NAALADL2: variants seen among roughly 807,000 people sequenced by gnomAD.
The protein encoded by NAALADL2 is inactive N-acetylated-alpha-linked acidic dipeptidase-like protein 2.
NAALADL2 carries 76 observed loss-of-function variants against 87.2 expected under a neutral mutation model. That is an observed-to-expected ratio of 0.87 (90% CI 0.72 to 1.05). NAALADL2 has a LOEUF of 1.05. Ranked by LOEUF, NAALADL2 falls within the 50% of genes least tolerant of loss-of-function variation. The pLI, the probability that NAALADL2 is intolerant of heterozygous loss-of-function variation, is 0.00. For synonymous variants in NAALADL2, 354 were observed against 331.0 expected (o/e 1.07, Z -0.75); for missense variants, 1,089 against 945.8 (o/e 1.15, Z -1.99).
At chr3:175,791,234 A>G (rs1479920144) in intron 13 of NAALADL2, among the ~76,000 whole-genome samples, 1 of 152,244 alleles carries the variant, frequency 6.6e-6, no homozygotes, top group East Asian at 1.9e-4. Flanking sequence ...ACACTTTTCT[A>G]TTACCAGTGT....
chr3:175,064,786 G>A (rs916647684), intron 1 of NAALADL2, among the ~76,000 whole-genome samples: 1 of 152,058 alleles, frequency 6.6e-6, no homozygotes, highest in African/African-American at 2.4e-5. Flanking sequence ...GATCTGGAGG[G>A]GCCAGTGAAA....
At chr3:175,491,922 C>T (rs1199835489) in intron 9 of NAALADL2, among the ~76,000 whole-genome samples, 2 of 152,090 alleles carry the variant, frequency 1.3e-5, no homozygotes, top group African/African-American at 4.8e-5. Flanking sequence ...GCAAATGAAA[C>T]TCAAAAAAAG....
chr3:175,546,070 G>A (rs1419323103), intron 9 of NAALADL2, among the ~76,000 whole-genome samples: 1 of 152,138 alleles, frequency 6.6e-6, no homozygotes, highest in Non-Finnish European at 1.5e-5. Context: ...AGGCAGCAGG[G>A]AAGTGGAAAC....
intron 2 of NAALADL2, among the ~76,000 whole-genome samples, chr3:175,119,005 T>C (rs1352491585): frequency 6.6e-6 from 1 of 151,738 alleles, no homozygotes; most frequent in East Asian, 1.9e-4. Context: ...AATTAAAATA[T>C]ATTAACTTTG....
rs533143056 is a variant in NAALADL2, at chr3:174,549,483, A to G, written c.-183-1086A>G. On this transcript the variant is annotated intron_variant, in intron 1 of 3. Coordinates refer to the NAALADL2 transcript ENST00000434257. ...TGGTGTCAATTAAATATGCAAATCTATCCTTTTTAATAAATAGAATGAATC... is the reference window on the plus strand; with the variant it reads ...TGGTGTCAATTAAATATGCAAATCTGTCCTTTTTAATAAATAGAATGAATC... Among the ~76,000 whole-genome samples the G allele has an allele frequency of 1.5e-4, 23 of 152,298 alleles. No individual in the cohort carries two copies. In the South Asian group the frequency reaches 4.1e-3, roughly 27 times the overall value.
chr3:174,969,657 G>A (rs1280567041), intron 1 of NAALADL2, among the ~76,000 whole-genome samples: 3 of 152,082 alleles, frequency 2.0e-5, no homozygotes, highest in Non-Finnish European at 4.4e-5. Flanking sequence ...AGGATACGGA[G>A]GCCATGATAA....
intron 1 of NAALADL2, among the ~76,000 whole-genome samples, chr3:174,893,325 A>AT (rs1731098980): frequency 1.4e-5 from 2 of 148,146 alleles, no homozygotes; most frequent in Non-Finnish European, 3.0e-5. Context: ...CCCCCGCAAA[A>AT]AGTTATTATT....
chr3:175,662,265 A>G (rs1732367352), intron 11 of NAALADL2, among the ~76,000 whole-genome samples: 1 of 151,796 alleles, frequency 6.6e-6, no homozygotes, highest in Non-Finnish European at 1.5e-5. Context: ...TTGTAAATGG[A>G]ATTACTTTCT....
At chr3:175,202,245 C>G (rs1032746648) in intron 2 of NAALADL2, among the ~76,000 whole-genome samples, 16 of 152,234 alleles carry the variant, frequency 1.1e-4, no homozygotes, top group Middle Eastern at 6.8e-3. Context: ...CCTTTGTCCA[C>G]TGAGTATTGG....
At chr3:174,685,779 C>G (rs1272572906) in intron 2 of NAALADL2, among the ~76,000 whole-genome samples, 1 of 152,056 alleles carries the variant, frequency 6.6e-6, no homozygotes, top group East Asian at 1.9e-4. Flanking sequence ...ATGTGTTAAG[C>G]CTAGTACTCA....
chr3:175,689,598 C>A (rs1736772371), intron 11 of NAALADL2, among the ~76,000 whole-genome samples: 1 of 152,120 alleles, frequency 6.6e-6, no homozygotes, highest in Non-Finnish European at 1.5e-5. Context: ...TAGTATTCCT[C>A]CTCAGCCACG....
intron 3 of NAALADL2, among the ~76,000 whole-genome samples, chr3:174,820,054 G>A (rs1001622026): frequency 1.3e-5 from 2 of 151,950 alleles, no homozygotes; most frequent in African/African-American, 4.8e-5. Flanking sequence ...GGTTTAGTGG[G>A]GTTTGTAATG....
chr3:175,157,308 A>G (rs1332875682), intron 2 of NAALADL2, among the ~76,000 whole-genome samples: 1 of 152,100 alleles, frequency 6.6e-6, no homozygotes, highest in Admixed American at 6.6e-5. Context: ...GGAATTTTAA[A>G]TTAAATATGA....
intron 3 of NAALADL2, among the ~76,000 whole-genome samples, chr3:174,766,925 C>T (rs1483542282): frequency 1.3e-5 from 2 of 152,160 alleles, no homozygotes; most frequent in African/African-American, 2.4e-5. Context: ...CCTGCATGGA[C>T]AGCTGTGCAT....
intron 9 of NAALADL2, among the ~76,000 whole-genome samples, chr3:175,504,720 T>A (rs1435400061): frequency 6.6e-6 from 1 of 152,050 alleles, no homozygotes; most frequent in African/African-American, 2.4e-5. Flanking sequence ...ATCTACTCAG[T>A]TTATGAAATT....
intron 1 of NAALADL2, among the ~76,000 whole-genome samples, chr3:175,036,747 T>A (rs558802695): frequency 1.1e-4 from 17 of 152,060 alleles, no homozygotes; most frequent in African/African-American, 4.1e-4. Context: ...TAAAAAATAT[T>A]TTATTGTTTT....
chr3:175,169,816 G>T (rs1178517310), intron 2 of NAALADL2, among the ~76,000 whole-genome samples: 1 of 151,818 alleles, frequency 6.6e-6, no homozygotes, highest in African/African-American at 2.4e-5. Context: ...CATAGGAATA[G>T]ATACCTGGAG....
At chr3:175,552,072 ATATG>A (rs1216518977) in intron 9 of NAALADL2, among the ~76,000 whole-genome samples, 1 of 152,174 alleles carries the variant, frequency 6.6e-6, no homozygotes, top group Non-Finnish European at 1.5e-5. Context: ...TATATATAAA[ATATG>A]TAAGTATGTA....
intron 5 of NAALADL2, among the ~76,000 whole-genome samples, chr3:175,441,169 C>A (rs1237125855): frequency 6.6e-6 from 1 of 151,774 alleles, no homozygotes; most frequent in Non-Finnish European, 1.5e-5. Flanking sequence ...ATTCAACTAA[C>A]TACAGATTGA....
Sources: allele counts gnomAD v4.1 joint callset (sites outside exome capture counted in the v4.1 genomes callset), GRCh38; gene constraint gnomAD v4.1.1; transcripts MANE v1.5; gene names NCBI Gene and HGNC (gene_info 2026-07-23, HGNC 2026-07-21).